Variants in CDH18 observed in about 807,000 individuals in gnomAD.
CDH18 encodes the protein cadherin-18.
Under a neutral mutation model 67.9 loss-of-function variants are expected in CDH18, and 31 were observed. The ratio of observed to expected loss-of-function variants is 0.46; its 90% CI spans 0.34 to 0.62. CDH18 has a LOEUF of 0.62. Among genes scored for constraint, CDH18 ranks in the 20% least tolerant of loss-of-function variants. CDH18 has a pLI of 0.01. For missense variants in CDH18, 890 were observed against 975.5 expected (o/e 0.91, Z 1.17); for synonymous variants, 362 against 347.2 (o/e 1.04, Z -0.48).
chr5:19,986,234 G>A (rs1485669326), intron 1 of CDH18, among the ~76,000 whole-genome samples: 1 of 152,208 alleles, frequency 6.6e-6, no homozygotes, highest in Non-Finnish European at 1.5e-5. Context: ...ATTGCACAAT[G>A]TATGGACTTC....
intron 2 of CDH18, among the ~76,000 whole-genome samples, chr5:19,869,509 C>A (rs1785980172): frequency 6.6e-6 from 1 of 151,858 alleles, no homozygotes. Flanking sequence ...TTTTTATTTT[C>A]TCTATCAAGA....
At chr5:20,166,819 G>A (rs975883602) in intron 2 of CDH18, among the ~76,000 whole-genome samples, 2 of 152,112 alleles carry the variant, frequency 1.3e-5, no homozygotes, top group Non-Finnish European at 1.5e-5. Context: ...CACCCACTCC[G>A]TTGTCCTCCA....
intron 1 of CDH18, among the ~76,000 whole-genome samples, chr5:20,507,909 C>T (rs62355187): frequency 0.029 from 4,463 of 152,140 alleles, 76 homozygotes; most frequent in Middle Eastern, 0.085. Flanking sequence ...TATCTAGACA[C>T]GCAGGACTTT....
intron 2 of CDH18, among the ~76,000 whole-genome samples, chr5:19,938,065 A>G (rs138154295): frequency 6.7e-6 from 1 of 148,738 alleles, no homozygotes; most frequent in Non-Finnish European, 1.5e-5. Context: ...ATATATATTT[A>G]AACAATGGAT....
intron 2 of CDH18, among the ~76,000 whole-genome samples, chr5:20,187,371 A>G (rs1255526817): frequency 6.6e-6 from 1 of 151,898 alleles, no homozygotes; most frequent in Non-Finnish European, 1.5e-5. Context: ...TAATATTTAG[A>G]TAACCATGGA....
Position 19,847,344 on chromosome 5 carries a change from T to C in CDH18, c.-256-8102A>G, listed in dbSNP as rs147236173. 5.2e-4 allele frequency among the ~76,000 whole-genome samples: 79 copies of C among 152,226 alleles called. 1 individual carries two copies. The highest frequency in any genetic ancestry group is 1.9e-3 in the African/African-American group (77 of 41,572). On this transcript the variant is annotated intron_variant, in intron 2 of 12. Coordinates refer to ENST00000382275, the MANE Select transcript of CDH18 (RefSeq NM_004934.5). ...TCTCCATAGACTGAATAATTTCAAA[T>C]GGCCTGTCTTTAAGTTATCTGATTC...
intron 11 of CDH18, among the ~76,000 whole-genome samples, chr5:19,483,839 G>T (rs1386077949): frequency 6.6e-6 from 1 of 152,210 alleles, no homozygotes; most frequent in Non-Finnish European, 1.5e-5. Context: ...ATAGCTATAA[G>T]ATTTAAAGGG....
intron 4 of CDH18, among the ~76,000 whole-genome samples, chr5:19,744,219 CAG>C (rs1403213207): frequency 3.3e-5 from 5 of 152,108 alleles, no homozygotes; most frequent in South Asian, 2.1e-4. Context: ...CACAGTAGTA[CAG>C]AGAGTTGAAA....
At chr5:19,840,184 C>T (rs1027281492) in intron 2 of CDH18, among the ~76,000 whole-genome samples, 1 of 148,252 alleles carries the variant, frequency 6.7e-6, no homozygotes, top group South Asian at 2.2e-4. Flanking sequence ...AGGAAAATGG[C>T]GTGAACCCGG....
At chr5:20,549,411 A>C (rs2126615585) in intron 1 of CDH18, among the ~76,000 whole-genome samples, 1 of 152,244 alleles carries the variant, frequency 6.6e-6, no homozygotes, top group South Asian at 2.1e-4. Flanking sequence ...AATTGAATCA[A>C]AATATCTATC....
intron 5 of CDH18, among the ~76,000 whole-genome samples, chr5:19,670,437 T>C (rs145593346): frequency 1.6e-4 from 25 of 152,254 alleles, no homozygotes; most frequent in African/African-American, 4.1e-4. Flanking sequence ...CAAAATTTTG[T>C]GTTACTGCAC....
rs191581635 is a variant in CDH18 at position 19,551,144 on chromosome 5, C to T, written c.1254-7139G>A. ...CAAGGATGTTTGGATTGTAAGAGCA[C>T]AGACTTTTAAAGATAAATGAAGAAG... On this transcript the variant is annotated intron_variant, in intron 8 of 12. Coordinates refer to ENST00000382275, the MANE Select transcript of CDH18 (RefSeq NM_004934.5). Among the ~76,000 whole-genome samples, 48 of 152,192 alleles carry T rather than the reference C, an allele frequency of 3.2e-4. 2 individuals are homozygous for T. In the East Asian group the frequency reaches 6.6e-3, roughly 21 times the overall value.
chr5:19,744,042 G>T (rs1186321496), intron 4 of CDH18, among the ~76,000 whole-genome samples: 1 of 149,932 alleles, frequency 6.7e-6, no homozygotes, highest in Non-Finnish European at 1.5e-5. Context: ...ATGCATTCAT[G>T]TTACAATATC....
chr5:19,993,839 A>C (rs1303403298), intron 2 of CDH18, among the ~76,000 whole-genome samples: 1 of 152,044 alleles, frequency 6.6e-6, no homozygotes, highest in African/African-American at 2.4e-5. Flanking sequence ...TGTTATGGCC[A>C]TTTTACTGAT....
chr5:20,062,991 C>CTTTTTTTTTTTTTTTTTTTTTTTTT (rs5866413), intron 2 of CDH18, among the ~76,000 whole-genome samples: 1 of 139,156 alleles, frequency 7.2e-6, no homozygotes, highest in African/African-American at 2.6e-5. Context: ...TTTTTTCTTT[C>CTTTTTTTTTTTTTTTTTTTTTTTTT]TTTTTTTTTT....
intron 3 of CDH18, among the ~76,000 whole-genome samples, chr5:19,822,508 G>C (rs1779975725): frequency 6.6e-6 from 1 of 152,142 alleles, no homozygotes; most frequent in African/African-American, 2.4e-5. Context: ...TAAAGGGACA[G>C]AGTAAAAAAG....
At chr5:20,554,355 G>T (rs1478086839) in intron 1 of CDH18, among the ~76,000 whole-genome samples, 5 of 152,088 alleles carry the variant, frequency 3.3e-5, no homozygotes, top group South Asian at 2.1e-4. Context: ...TCTTTGTAAA[G>T]GTTAACCTTC....
At chr5:19,707,194 A>G (rs1764079118) in intron 5 of CDH18, among the ~76,000 whole-genome samples, 1 of 152,112 alleles carries the variant, frequency 6.6e-6, no homozygotes, top group Non-Finnish European at 1.5e-5. Context: ...AGCATTGCTC[A>G]AGTTCATGCT....
intron 2 of CDH18, among the ~76,000 whole-genome samples, chr5:20,249,725 C>T (rs1446413688): frequency 6.6e-6 from 1 of 152,158 alleles, no homozygotes; most frequent in Non-Finnish European, 1.5e-5. Context: ...AAAAAATTAA[C>T]AAGCATCTTT....
Sources: allele counts gnomAD v4.1 joint callset (sites outside exome capture counted in the v4.1 genomes callset), GRCh38; gene constraint gnomAD v4.1.1; transcripts MANE v1.5; gene names NCBI Gene and HGNC (gene_info 2026-07-23, HGNC 2026-07-21).